Variants in PCDHGA1 observed in about 807,000 individuals in gnomAD.
PCDHGA1 encodes the protein protocadherin gamma-A1.
A neutral mutation model predicts 58.0 loss-of-function variants in PCDHGA1; 32 were observed. The ratio of observed to expected loss-of-function variants is 0.55; its 90% CI spans 0.42 to 0.74. PCDHGA1 has a LOEUF of 0.74. PCDHGA1 is among the 30% of genes least tolerant of loss of function. The probability of loss-of-function intolerance (pLI) is 0.00; values close to 1 mark genes in which losing one functional copy is unlikely to be tolerated. For missense variants in PCDHGA1, 1,205 were observed against 1,182.3 expected (o/e 1.02, Z -0.28); for synonymous variants, 498 against 501.1 (o/e 0.99, Z 0.08).
At chr5:141,428,141 G>C (rs1314061143) in intron 1 of PCDHGA1, 2 of 1,596,500 alleles carry the variant, frequency 1.3e-6, no homozygotes, top group African/African-American at 2.7e-5. Context: ...GCCTGGGGCT[G>C]CACACGGGAA....
In PCDHGA1 at chr5:141,432,647, C is replaced by T; in HGVS notation, c.2422-62160C>T. On this transcript the variant is annotated intron_variant, in intron 1 of 3. Coordinates refer to ENST00000517417, the MANE Select transcript of PCDHGA1 (RefSeq NM_018912.3). This position sits in a 1 kb window ranked among gnomAD's most constrained non-coding sequence, Gnocchi z 6.0. ...GCACACGGGCGAGGTGCGCACGGCG[C>T]GAGCCCTGCTGGACAGAGACGCGCT... 3 of 1,613,796 alleles carry T rather than the reference C, an allele frequency of 1.9e-6. No homozygotes were observed. Among genetic ancestry groups the T allele is most frequent in the Admixed American group, 1.7e-5 (1 of 60,008 alleles).
chr5:141,389,789 C>T (rs1437335316), intron 1 of PCDHGA1: 6 of 1,613,328 alleles, frequency 3.7e-6, no homozygotes, highest in Admixed American at 3.3e-5. Flanking sequence ...ACAGGGACGC[C>T]GTCCGCCAGC....
intron 1 of PCDHGA1, chr5:141,352,719 G>T (rs1302952599): frequency 1.3e-6 from 2 of 1,536,882 alleles, no homozygotes; most frequent in Non-Finnish European, 1.8e-6. Context: ...GCCGGGCGCG[G>T]TGGCTCAAGC....
chr5:141,459,025 A>C (rs2098959135), intron 1 of PCDHGA1, among the ~76,000 whole-genome samples: 1 of 152,336 alleles, frequency 6.6e-6, no homozygotes, highest in Non-Finnish European at 1.5e-5. Flanking sequence ...GAGCCACCAC[A>C]TCCAGCCTTA....
At chr5:141,340,642 C>T (rs757386666) in intron 1 of PCDHGA1, 3 of 1,614,242 alleles carry the variant, frequency 1.9e-6, no homozygotes, top group Admixed American at 1.7e-5. Flanking sequence ...ACCAGAACGA[C>T]AACGCGCCCG....
intron 1 of PCDHGA1, among the ~76,000 whole-genome samples, chr5:141,450,777 G>A (rs907160074): frequency 1.3e-5 from 2 of 150,004 alleles, no homozygotes; most frequent in East Asian, 2.0e-4. Context: ...ATGAGCCACC[G>A]TGCCCGGACC....
chr5:141,473,860 A>G (rs184722742), intron 1 of PCDHGA1, among the ~76,000 whole-genome samples: 409 of 152,318 alleles, frequency 2.7e-3, no homozygotes, highest in Middle Eastern at 6.8e-3. Context: ...GAACCTCGCT[A>G]TTGTGGAGAA....
At chr5:141,370,437 CG>C (rs1561546503) in intron 1 of PCDHGA1, 6 of 1,603,792 alleles carry the variant, frequency 3.7e-6, no homozygotes, top group Non-Finnish European at 5.1e-6. Context: ...AGGGCAGAGG[CG>C]AATGCTATTT....
rs1591227595 is a variant in PCDHGA1 at position 141,432,858 on chromosome 5, T to C, written c.2422-61949T>C. ...TACCTGGTGGTAGCGGTGGCCGCGG[T>C]CTCCTGCGTCTTCCTGGCCTTCGTC... On this transcript the variant is annotated intron_variant, in intron 1 of 3. Coordinates refer to ENST00000517417, the MANE Select transcript of PCDHGA1 (RefSeq NM_018912.3). This position sits in a 1 kb window ranked among gnomAD's most constrained non-coding sequence, Gnocchi z 6.0. The C allele has an allele frequency of 1.2e-6, 2 of 1,614,140 alleles. No individual in the cohort carries two copies. Among genetic ancestry groups the C allele is most frequent in the Non-Finnish European group, 8.5e-7 (1 of 1,179,996 alleles).
At chr5:141,414,009 T>C in intron 1 of PCDHGA1, 1 of 1,612,964 alleles carries the variant, frequency 6.2e-7, no homozygotes, top group Middle Eastern at 1.7e-4. Context: ...AAGGTGCCAA[T>C]GGAGAAGTGA....
intron 1 of PCDHGA1, chr5:141,351,726 C>A: frequency 6.2e-7 from 1 of 1,613,824 alleles, no homozygotes; most frequent in Non-Finnish European, 8.5e-7. Flanking sequence ...TCTATTCTGG[C>A]CAGTGACCTG....
intron 1 of PCDHGA1, chr5:141,344,288 C>T: frequency 6.2e-7 from 1 of 1,614,078 alleles, no homozygotes; most frequent in Non-Finnish European, 8.5e-7. Context: ...GCAGCTTGGT[C>T]ACCGCGGAGA....
At chr5:141,502,082 G>A (rs538827992) in intron 2 of PCDHGA1, among the ~76,000 whole-genome samples, 1 of 152,252 alleles carries the variant, frequency 6.6e-6, no homozygotes, top group Non-Finnish European at 1.5e-5. Flanking sequence ...ACCTGGGGCT[G>A]AGAACACCTG....
chr5:141,500,234 A>T (rs2099798212), intron 2 of PCDHGA1, among the ~76,000 whole-genome samples: 1 of 148,996 alleles, frequency 6.7e-6, no homozygotes, highest in Non-Finnish European at 1.5e-5. Context: ...ATTGATACGT[A>T]GCCTTGCTCT....
rs781173890 is a variant in PCDHGA1, at chr5:141,476,165, G to T, written c.2422-18642G>T. 5.3e-5 allele frequency: 86 copies of T among 1,613,106 alleles called. No individual in the cohort carries two copies. Among genetic ancestry groups the T allele is most frequent in the Non-Finnish European group, 7.2e-5 (85 of 1,179,976 alleles). On this transcript the variant is annotated intron_variant, in intron 1 of 3. Transcript: ENST00000517417. The surrounding 1 kb of genome is among the most constrained non-coding windows in gnomAD (Gnocchi z 7.6). ...CGGACTGGTAAGCACCGGGAGGGTA[G>T]TGGGAGTTTTGCTTCTGCTTGGTGC...
intron 1 of PCDHGA1, chr5:141,415,814 T>G: frequency 7.5e-7 from 1 of 1,330,430 alleles, no homozygotes; most frequent in South Asian, 1.8e-5. Flanking sequence ...AAGGCCTATA[T>G]ATCATAAGGC....
intron 1 of PCDHGA1, chr5:141,375,541 A>G (rs566370523): frequency 1.2e-6 from 2 of 1,613,786 alleles, no homozygotes; most frequent in South Asian, 2.2e-5. Context: ...AGAACGCCCA[A>G]GTCTCCTACT....
chr5:141,431,068 A>G lies in PCDHGA1; in HGVS notation c.2422-63739A>G. 2 of 1,614,218 alleles carry G rather than the reference A, an allele frequency of 1.2e-6. No individual in the cohort carries two copies. Among genetic ancestry groups the G allele is most frequent in the South Asian group, 1.1e-5 (1 of 91,088 alleles). On this transcript the variant is annotated intron_variant, in intron 1 of 3. Coordinates refer to ENST00000517417, the MANE Select transcript of PCDHGA1 (RefSeq NM_018912.3). The surrounding 1 kb of genome is among the most constrained non-coding windows in gnomAD (Gnocchi z 4.8). ...TCTGTATGGGGGCCATCAAGTGTCA[A>G]TTAAATCTAGACATTCTGATGGAGG...
At chr5:141,430,217 T>C (rs1055487905) in intron 1 of PCDHGA1, among the ~76,000 whole-genome samples, 1 of 150,102 alleles carries the variant, frequency 6.7e-6, no homozygotes, top group Non-Finnish European at 1.5e-5. Context: ...TATTATATTA[T>C]ATGATTTGTC....
Sources: gnomAD v4.1 joint callset for allele counts (sites outside exome capture counted in the v4.1 genomes callset) on GRCh38, gnomAD v4.1.1 for gene constraint, Gnocchi (gnomAD v3.1) non-coding constraint, MANE v1.5 for transcripts, NCBI Gene and HGNC (gene_info 2026-07-23, HGNC 2026-07-21) for gene names.